The following DPP10 variants were observed in gnomAD, a reference collection of about 807,000 sequenced individuals.
DPP10 encodes dipeptidyl peptidase like 10, also known as inactive dipeptidyl peptidase 10.
Under a neutral mutation model 120.9 loss-of-function variants are expected in DPP10, and 33 were observed. The observed-to-expected ratio is 0.27, with a 90% CI of 0.21 to 0.37. DPP10 has a LOEUF of 0.37. DPP10 is among the 10% of genes least tolerant of loss of function. DPP10 has a pLI of 1.00. For synonymous variants in DPP10, 337 were observed against 326.1 expected (o/e 1.03, Z -0.36); for missense variants, 816 against 942.8 (o/e 0.87, Z 1.76).
intron 1 of DPP10, among the ~76,000 whole-genome samples, chr2:115,198,574 C>A (rs914113603): frequency 6.6e-6 from 1 of 152,164 alleles, no homozygotes; most frequent in African/African-American, 2.4e-5. Context: ...ATGTGTTACT[C>A]CTTCAGCTTC....
rs776496700 is a variant in DPP10 at position 115,689,928 on chromosome 2, G to A, written c.576+7G>A. 6.8e-6 allele frequency: 11 copies of A among 1,613,528 alleles called. No homozygotes were observed. The highest frequency in any genetic ancestry group is 2.2e-5 in the East Asian group (1 of 44,856). ...TGTCCAAGGGCAGCAGCTGGTAAGCGCAGGCATTGGTATGCACTGAACACT... is the reference window on the plus strand; with the variant it reads ...TGTCCAAGGGCAGCAGCTGGTAAGCACAGGCATTGGTATGCACTGAACACT... On this transcript the variant is annotated splice_region_variant and intron_variant, in intron 7 of 25. Transcript: ENST00000410059.
At chr2:115,253,854 C>T (rs2058858125) in intron 1 of DPP10, among the ~76,000 whole-genome samples, 1 of 152,194 alleles carries the variant, frequency 6.6e-6, no homozygotes, top group Non-Finnish European at 1.5e-5. Context: ...CTCCTTCCCC[C>T]AGCTTCACTA....
chr2:115,096,481 G>T (rs1011737712), intron 1 of DPP10, among the ~76,000 whole-genome samples: 1 of 152,106 alleles, frequency 6.6e-6, no homozygotes, highest in Non-Finnish European at 1.5e-5. Flanking sequence ...ACAGTAGGTA[G>T]ATTAGAGATA....
chr2:114,939,633 A>T (rs542132215), intron 1 of DPP10, among the ~76,000 whole-genome samples: 1 of 152,156 alleles, frequency 6.6e-6, no homozygotes, highest in African/African-American at 2.4e-5. Flanking sequence ...GTCAATTTTA[A>T]TTGATATCAC....
At chr2:115,388,546 A>G (rs1489504699) in intron 3 of DPP10, among the ~76,000 whole-genome samples, 5 of 152,128 alleles carry the variant, frequency 3.3e-5, no homozygotes, top group Non-Finnish European at 5.9e-5. Flanking sequence ...TGCTTGGACA[A>G]ATACTTCCTG....
intron 1 of DPP10, among the ~76,000 whole-genome samples, chr2:114,766,612 T>C (rs1680725670): frequency 6.6e-6 from 1 of 152,122 alleles, no homozygotes; most frequent in Non-Finnish European, 1.5e-5. Flanking sequence ...GGAACAAACT[T>C]TTGCTATAAG....
chr2:115,361,683 G>A (rs546043606), intron 3 of DPP10, among the ~76,000 whole-genome samples: 5 of 152,172 alleles, frequency 3.3e-5, no homozygotes, highest in South Asian at 2.1e-4. Flanking sequence ...GTGGTGTCCC[G>A]CAGTTCCTTT....
At chr2:115,681,225 T>G (rs915617929) in intron 5 of DPP10, among the ~76,000 whole-genome samples, 1 of 152,036 alleles carries the variant, frequency 6.6e-6, no homozygotes, top group Non-Finnish European at 1.5e-5. Context: ...CCTAAGCGTA[T>G]GCAAAATATG....
intron 3 of DPP10, among the ~76,000 whole-genome samples, chr2:115,381,867 G>GGGTC (rs1378392726): frequency 6.6e-6 from 1 of 151,462 alleles, no homozygotes; most frequent in Admixed American, 6.6e-5. Flanking sequence ...GGCTTCTCGG[G>GGGTC]GGTCAGGGGT....
At chr2:115,036,884 C>T (rs997198493) in intron 1 of DPP10, among the ~76,000 whole-genome samples, 3 of 152,068 alleles carry the variant, frequency 2.0e-5, no homozygotes, top group African/African-American at 7.2e-5. Flanking sequence ...TGTGAGTTCC[C>T]CCAGCTCTGC....
intron 1 of DPP10, among the ~76,000 whole-genome samples, chr2:114,524,380 A>G (rs1459921625): frequency 6.6e-6 from 1 of 152,192 alleles, no homozygotes; most frequent in Non-Finnish European, 1.5e-5. Flanking sequence ...CAGAAGAGCC[A>G]CTGATGCTTC....
At chr2:115,836,080 T>G (rs1689459529) in intron 21 of DPP10, 77 bp from the exon 22 acceptor site, 1 of 747,394 alleles carries the variant, frequency 1.3e-6, no homozygotes, top group African/African-American at 1.9e-5. Context: ...AGTTGTTATA[T>G]ATAAATTTGT....
chr2:114,482,778 C>A (rs537194931), intron 1 of DPP10, among the ~76,000 whole-genome samples: 68 of 152,226 alleles, frequency 4.5e-4, no homozygotes, highest in African/African-American at 1.6e-3. Context: ...CAATGCGTAT[C>A]TTGTACTTTA....
chr2:114,837,765 C>T (rs1687856757), intron 1 of DPP10, among the ~76,000 whole-genome samples: 1 of 152,106 alleles, frequency 6.6e-6, no homozygotes, highest in East Asian at 1.9e-4. Context: ...AATAATGTTA[C>T]CAATGTTTTG....
intron 1 of DPP10, among the ~76,000 whole-genome samples, chr2:115,255,243 A>C (rs2058932149): frequency 6.6e-6 from 1 of 152,138 alleles, no homozygotes; most frequent in South Asian, 2.1e-4. Flanking sequence ...CAAGGCTTGG[A>C]GCTTGCAGCC....
At chr2:115,378,762 GC>G (rs1329070665) in intron 3 of DPP10, among the ~76,000 whole-genome samples, 1 of 152,146 alleles carries the variant, frequency 6.6e-6, no homozygotes, top group East Asian at 1.9e-4. Context: ...TTAGCATGAA[GC>G]GTTGTTGAAT....
At chr2:114,953,471 CAT>C (rs1697946062) in intron 1 of DPP10, among the ~76,000 whole-genome samples, 1 of 152,106 alleles carries the variant, frequency 6.6e-6, no homozygotes, top group African/African-American at 2.4e-5. Context: ...CTTGCTCTCA[CAT>C]GTGTATGTGT....
intron 5 of DPP10, among the ~76,000 whole-genome samples, chr2:115,527,405 A>G (rs537552886): frequency 2.0e-5 from 3 of 152,310 alleles, no homozygotes; most frequent in South Asian, 4.1e-4. Flanking sequence ...AGAATGGATC[A>G]TGCTTTTAAA....
Position 114,791,471 on chromosome 2 carries a change from A to G in DPP10, c.60+348633A>G, listed in dbSNP as rs77138622. Among the ~76,000 whole-genome samples the G allele has an allele frequency of 4.4e-3, 668 of 152,306 alleles. 7 individuals carry two copies. The highest frequency in any genetic ancestry group is 0.016 in the African/African-American group (645 of 41,568). ...GCTGCTGGGTGTGGAAAATGAAGAG[A>G]GGAAGTAAGCGTAGTGTTGAGTTTT... On this transcript the variant is annotated intron_variant, in intron 1 of 25. Transcript: ENST00000410059.
Sources: allele counts gnomAD v4.1 joint callset (sites outside exome capture counted in the v4.1 genomes callset), GRCh38; gene constraint gnomAD v4.1.1; transcripts MANE v1.5; gene names NCBI Gene and HGNC (gene_info 2026-07-23, HGNC 2026-07-21).